Variants in RGS9 observed in about 807,000 individuals in gnomAD.
RGS9 encodes regulator of G-protein signalling 9.
Under a neutral mutation model 102.0 loss-of-function variants are expected in RGS9, and 78 were observed. The observed-to-expected ratio is 0.76, with a 90% confidence interval of 0.64 to 0.92. RGS9 has a LOEUF of 0.92. RGS9 is among the 40% of genes least tolerant of loss of function. RGS9 has a pLI of 0.00. For synonymous variants in RGS9, 353 were observed against 318.6 expected (o/e 1.11, Z -1.15); for missense variants, 833 against 866.1 (o/e 0.96, Z 0.48).
At chr17:65,220,291 C>T (rs886954753) in intron 17 of RGS9, among the ~76,000 whole-genome samples, 31 of 152,186 alleles carry the variant, frequency 2.0e-4, no homozygotes, top group African/African-American at 7.2e-4. Context: ...CAGTGCGGTC[C>T]TCCAGCTCTC....
At chr17:65,220,286 C>T (rs374130962) in intron 17 of RGS9, among the ~76,000 whole-genome samples, 1 of 152,174 alleles carries the variant, frequency 6.6e-6, no homozygotes, top group Non-Finnish European at 1.5e-5. Context: ...TTTTGCAGTG[C>T]GGTCCTCCAG....
At chr17:65,181,756 C>T (rs980309645) in intron 9 of RGS9, among the ~76,000 whole-genome samples, 2 of 152,212 alleles carry the variant, frequency 1.3e-5, no homozygotes, top group African/African-American at 2.4e-5. Flanking sequence ...TGATCTTGGG[C>T]AAGCTCTTTC....
At position 65,216,065 on chromosome 17, in the gene RGS9, G is replaced by T. The variant is rs139052904; in HGVS notation, c.1407+5460G>T. 8.5e-3 allele frequency among the ~76,000 whole-genome samples: 1,295 copies of T among 152,288 alleles called. 21 individuals are homozygous for T. The highest frequency in any genetic ancestry group is 0.029 in the African/African-American group (1,200 of 41,554). ...TCGGGGAAACTGGACCTCAAAGATT[G>T]AGTATAATTTTCCAAGTGGAAGGCA... On this transcript the variant is annotated intron_variant, in intron 17 of 18. Transcript: ENST00000262406.
intron 17 of RGS9, among the ~76,000 whole-genome samples, chr17:65,218,589 A>C (rs914525365): frequency 1.2e-4 from 19 of 152,100 alleles, no homozygotes; most frequent in Non-Finnish European, 2.6e-4. Flanking sequence ...TTTCTCTTAG[A>C]ATGTTATTGA....
chr17:65,148,809 G>T (rs1486378533), intron 1 of RGS9, among the ~76,000 whole-genome samples: 1 of 151,942 alleles, frequency 6.6e-6, no homozygotes, highest in Non-Finnish European at 1.5e-5. Flanking sequence ...CAGCCTTCCA[G>T]GTAGCTGGGA....
intron 9 of RGS9, among the ~76,000 whole-genome samples, chr17:65,183,499 G>A (rs755906712): frequency 3.3e-5 from 5 of 152,104 alleles, no homozygotes; most frequent in Admixed American, 6.6e-5. Flanking sequence ...GTTTCACCAT[G>A]TTGCCCAGGC....
intron 13 of RGS9, among the ~76,000 whole-genome samples, chr17:65,197,653 CTTTT>C (rs1567884124): frequency 6.6e-6 from 1 of 151,774 alleles, no homozygotes; most frequent in Non-Finnish European, 1.5e-5. Context: ...GCCTGATTTT[CTTTT>C]TTCTTTGTTT....
At chr17:65,137,662 A>C (rs1909960941) in intron 1 of RGS9, 65 bp downstream of exon 1, 1 of 1,529,536 alleles carries the variant, frequency 6.5e-7, no homozygotes, top group African/African-American at 1.4e-5. Flanking sequence ...GAAGCGTCCG[A>C]GGACAAGAGG....
intron 1 of RGS9, among the ~76,000 whole-genome samples, chr17:65,140,221 C>T (rs1372053799): frequency 3.9e-5 from 6 of 152,182 alleles, no homozygotes; most frequent in Non-Finnish European, 8.8e-5. Context: ...GTGCAATGCC[C>T]TGAGCTTTCC....
intron 2 of RGS9, among the ~76,000 whole-genome samples, chr17:65,155,331 G>C (rs959556176): frequency 1.3e-5 from 2 of 152,196 alleles, no homozygotes; most frequent in African/African-American, 4.8e-5. Flanking sequence ...GGCCCTTTAA[G>C]GGAAAGTACC....
At chr17:65,153,603 T>C in intron 2 of RGS9, 85 bp downstream of exon 2, 2 of 1,185,944 alleles carry the variant, frequency 1.7e-6, no homozygotes, top group Non-Finnish European at 2.5e-6. Context: ...TAAAAAACTT[T>C]ATTTTTGGCC....
intron 1 of RGS9, among the ~76,000 whole-genome samples, chr17:65,142,130 G>C (rs1910181206): frequency 6.6e-6 from 1 of 152,346 alleles, no homozygotes; most frequent in Admixed American, 6.5e-5. Context: ...TGTAATCCTA[G>C]CTACTTGGGA....
At chr17:65,147,036 G>C (rs1035613456) in intron 1 of RGS9, among the ~76,000 whole-genome samples, 5 of 152,136 alleles carry the variant, frequency 3.3e-5, no homozygotes, top group Admixed American at 6.5e-5. Context: ...AGCAGCAGCT[G>C]TACCTCCCAG....
intron 7 of RGS9, among the ~76,000 whole-genome samples, chr17:65,165,662 G>T (rs1911149601): frequency 6.6e-6 from 1 of 151,950 alleles, no homozygotes; most frequent in Non-Finnish European, 1.5e-5. Flanking sequence ...CCCCTACCCT[G>T]GTTGAACCAA....
At chr17:65,187,566 C>T (rs546982728) in intron 9 of RGS9, among the ~76,000 whole-genome samples, 1 of 152,338 alleles carries the variant, frequency 6.6e-6, no homozygotes, top group South Asian at 2.1e-4. Flanking sequence ...TACTCCTTTT[C>T]AATGGGCTCA....
chr17:65,150,230 G>T (rs1474911501), intron 1 of RGS9, among the ~76,000 whole-genome samples: 1 of 152,202 alleles, frequency 6.6e-6, no homozygotes, highest in Non-Finnish European at 1.5e-5. Flanking sequence ...GCTGGTTCAT[G>T]TTCTGTGCTT....
intron 8 of RGS9, among the ~76,000 whole-genome samples, chr17:65,176,270 G>C (rs1026384234): frequency 1.3e-5 from 2 of 152,208 alleles, no homozygotes; most frequent in African/African-American, 4.8e-5. Flanking sequence ...TACAGTCCCA[G>C]TTTTGGGCCA....
At chr17:65,198,993 C>G (rs531812675) in intron 13 of RGS9, among the ~76,000 whole-genome samples, 29 of 152,174 alleles carry the variant, frequency 1.9e-4, no homozygotes, top group Non-Finnish European at 3.1e-4. Flanking sequence ...ATCTCCCCCC[C>G]ACTAATTCCT....
chr17:65,213,762 T>C lies in RGS9; in HGVS notation c.1407+3157T>C, dbSNP rs537585426. 2.6e-5 allele frequency among the ~76,000 whole-genome samples: 4 copies of C among 152,272 alleles called. No individual in the cohort carries two copies. In the South Asian group the frequency reaches 6.2e-4, roughly 24 times the overall value. ...CATACGGGGACTCCTTGTGTATTGATGGAAGCCTGCTCAAGTTGAGACACA... is the reference window on the plus strand; with the variant it reads ...CATACGGGGACTCCTTGTGTATTGACGGAAGCCTGCTCAAGTTGAGACACA... On this transcript the variant is annotated intron_variant, in intron 17 of 18. Coordinates refer to ENST00000262406, the MANE Select transcript of RGS9 (RefSeq NM_003835.4).
Sources: allele counts gnomAD v4.1 joint callset (sites outside exome capture counted in the v4.1 genomes callset), GRCh38; gene constraint gnomAD v4.1.1; transcripts MANE v1.5; gene names NCBI Gene and HGNC (gene_info 2026-07-23, HGNC 2026-07-21).